Variants in RXYLT1 observed in about 807,000 individuals in gnomAD.
RXYLT1 encodes ribitol-5-phosphate xylosyltransferase 1.
In RXYLT1, 41 loss-of-function variants were observed where a neutral mutation model predicts 43.5. That is an observed-to-expected ratio of 0.94 (90% CI 0.73 to 1.22). The LOEUF (loss-of-function observed/expected upper bound fraction) is 1.22, where lower values mean the gene tolerates loss of function less well. Among genes scored for constraint, RXYLT1 ranks in the 50% most tolerant of loss-of-function variants. The pLI is 0.00. For synonymous variants in RXYLT1, 166 were observed against 194.4 expected, an observed-to-expected ratio of 0.85 and a Z score of 1.21; for missense variants, 514 against 532.0, an observed-to-expected ratio of 0.97 and a Z score of 0.33.
intron 3 of RXYLT1, among the ~76,000 whole-genome samples, chr12:63,798,722 T>A (rs1201146947): frequency 6.6e-6 from 1 of 152,194 alleles, no homozygotes; most frequent in Non-Finnish European, 1.5e-5. Flanking sequence ...ATGGTTGCCG[T>A]GATAAAATGC....
At chr12:63,790,599 T>G in intron 3 of RXYLT1, 1 of 152,394 alleles carries the variant, frequency 6.6e-6, no homozygotes, top group Non-Finnish European at 1.5e-5. Context: ...CTCGGCTCAC[T>G]GCAACCTCCA....
chr12:63,808,885 A>G lies in RXYLT1; in HGVS notation c.1125A>G (p.Leu375=). The change falls in exon 6 of 6, where the codon TTA becomes TTG. Residue 375 remains leucine (L), a synonymous_variant. Transcript: ENST00000261234. The part of the protein sequence containing the change: ...TSVHHGAPLQ[L]LKSMGAPFIF... Reference sequence around the variant, plus strand: ...TGCACCACGGTGCTCCTCTGCAGTTACTCAAGTCCATGGGTGCTCCCTTTA... The same window carrying G: ...TGCACCACGGTGCTCCTCTGCAGTTGCTCAAGTCCATGGGTGCTCCCTTTA... 1 of 1,614,152 alleles carries G rather than the reference A, an allele frequency of 6.2e-7. No homozygotes were observed. The highest frequency in any genetic ancestry group is 8.5e-7 in the Non-Finnish European group (1 of 1,180,042).
chr12:63,788,974 T>TA (rs1006119262), intron 3 of RXYLT1, among the ~76,000 whole-genome samples: 2 of 152,316 alleles, frequency 1.3e-5, no homozygotes. Context: ...TGTTTTGTCT[T>TA]AGGCTTTTAG....
chr12:63,780,573 G>A (rs1897657178), intron 1 of RXYLT1: 3 of 931,244 alleles, frequency 3.2e-6, no homozygotes, highest in Non-Finnish European at 3.9e-6. Context: ...TTTAACTTGT[G>A]TTAAGATCAG....
intron 3 of RXYLT1, among the ~76,000 whole-genome samples, chr12:63,790,960 C>CT (rs756012938): frequency 2.0e-5 from 3 of 152,150 alleles, no homozygotes; most frequent in Non-Finnish European, 2.9e-5. Context: ...TCTTGTTGCT[C>CT]TTTTATTTTA....
intron 3 of RXYLT1, among the ~76,000 whole-genome samples, chr12:63,786,566 AAC>A (rs1193263037): frequency 6.6e-6 from 1 of 152,016 alleles, no homozygotes; most frequent in Non-Finnish European, 1.5e-5. Flanking sequence ...AAAAAATGCT[AAC>A]AGTTATCTGA....
chr12:63,781,154 T>G lies in RXYLT1; in HGVS notation c.305T>G (p.Ile102Ser), dbSNP rs1897674429. Reference protein sequence around the residue: ...TKGKTDLSVQIWGKAAIGLYL... With the variant: ...TKGKTDLSVQSWGKAAIGLYL... ...GGAAAAACAGATCTCAGTGTACAAA[T>G]CTGGGGCAAAGCTGCCATTGGTAAG... The change falls in exon 2 of 6, where the codon ATC (isoleucine) becomes AGC (serine). Residue 102 changes from isoleucine to serine, a missense_variant. Physicochemically the swap from Ile to Ser is moderately radical, Grantham distance 142. Transcript: ENST00000261234. 2 of 1,582,182 alleles carry G rather than the reference T, an allele frequency of 1.3e-6. No individual in the cohort carries two copies. Among genetic ancestry groups the G allele is most frequent in the Non-Finnish European group, 1.7e-6 (2 of 1,166,960 alleles).
At chr12:63,789,254 G>A (rs938495025) in intron 3 of RXYLT1, among the ~76,000 whole-genome samples, 1 of 152,186 alleles carries the variant, frequency 6.6e-6, no homozygotes, top group Non-Finnish European at 1.5e-5. Flanking sequence ...GAATAGGGAG[G>A]CCCAAGGAGA....
chr12:63,797,772 C>G (rs1898067625), intron 3 of RXYLT1, among the ~76,000 whole-genome samples: 1 of 152,016 alleles, frequency 6.6e-6, no homozygotes, highest in Non-Finnish European at 1.5e-5. Flanking sequence ...TTGAAGGAGA[C>G]AGCTGGGTGC....
At position 63,780,143 on chromosome 12, in the gene RXYLT1, G is replaced by C; in HGVS notation, c.169+14G>C. 1 of 1,461,950 alleles carries C rather than the reference G, an allele frequency of 6.8e-7. No homozygotes were observed. The highest frequency in any genetic ancestry group is 8.9e-7 in the Non-Finnish European group (1 of 1,120,096). 90.6% of individuals were successfully genotyped at this position (1,461,950 alleles called of 1,614,324 possible). On this transcript the variant is annotated intron_variant, in intron 1 of 5. Coordinates refer to ENST00000261234, the MANE Select transcript of RXYLT1 (RefSeq NM_014254.3). ...GACGCGGCCGAGGTAGGACTGGGTC[G>C]GCGGCTTCCTTCCGGCTCTGCGCTC...
chr12:63,780,418 G>C lies in RXYLT1; in HGVS notation c.169+289G>C. On this transcript the variant is annotated intron_variant, in intron 1 of 5. Coordinates refer to ENST00000261234, the MANE Select transcript of RXYLT1 (RefSeq NM_014254.3). ...ATCCAAGACGTCGTCTCAAATGCCA[G>C]AGATTTGCGGGAATGCTCCTGGAAG... 3 of 1,233,784 alleles carry C rather than the reference G, an allele frequency of 2.4e-6. No individual in the cohort carries two copies. The South Asian group carries it at 8.4e-5, about 35-fold the overall frequency. The allele number at this position is 1,233,784 out of a possible 1,614,324, so 76.4% of individuals were successfully genotyped here.
At chr12:63,802,047 C>G in intron 3 of RXYLT1, 44 bp from the exon 4 acceptor site, 1 of 1,507,434 alleles carries the variant, frequency 6.6e-7, no homozygotes, top group Non-Finnish European at 8.9e-7. Flanking sequence ...TACCTTTGTT[C>G]AGGCTTTGTT....
intron 3 of RXYLT1, among the ~76,000 whole-genome samples, chr12:63,790,017 G>T (rs1897888032): frequency 6.6e-6 from 1 of 152,108 alleles, no homozygotes; most frequent in Non-Finnish European, 1.5e-5. Context: ...TTTAATTGTA[G>T]CCTCGAGACA....
At chr12:63,793,760 A>T (rs1945619937) in intron 3 of RXYLT1, among the ~76,000 whole-genome samples, 1 of 152,220 alleles carries the variant, frequency 6.6e-6, no homozygotes, top group African/African-American at 2.4e-5. Context: ...GATAAATTTG[A>T]TTCACATAGG....
intron 3 of RXYLT1, among the ~76,000 whole-genome samples, chr12:63,785,801 A>T (rs1458780360): frequency 6.6e-6 from 1 of 152,126 alleles, no homozygotes; most frequent in Non-Finnish European, 1.5e-5. Flanking sequence ...GAAAATGTGA[A>T]CTAAAGATTC....
chr12:63,799,382 G>C (rs1192959186), intron 3 of RXYLT1, among the ~76,000 whole-genome samples: 7 of 137,850 alleles, frequency 5.1e-5, no homozygotes, highest in African/African-American at 1.6e-4. Flanking sequence ...TCAGCTCACT[G>C]CAGCCTTGAC....
At position 63,808,868 on chromosome 12, in the gene RXYLT1, G is replaced by T. The variant is rs768418644; in HGVS notation, c.1108G>T (p.Gly370Cys). ...GNCGNTSVHH[G>C]APLQLLKSMG... ...CTGTGGGAATACATCTGTGCACCAC[G>T]GTGCTCCTCTGCAGTTACTCAAGTC... The change falls in exon 6 of 6, where the codon GGT becomes TGT. Residue 370 changes from glycine to cysteine, a missense_variant. Gly to Cys is a radical substitution (Grantham distance 159, BLOSUM62 -3). Coordinates refer to ENST00000261234, the MANE Select transcript of RXYLT1 (RefSeq NM_014254.3). 4 of 1,614,066 alleles carry T rather than the reference G, an allele frequency of 2.5e-6. No individual in the cohort carries two copies. Among genetic ancestry groups the T allele is most frequent in the Non-Finnish European group, 2.5e-6 (3 of 1,180,034 alleles).
chr12:63,808,530 A>G (rs1295795119), intron 5 of RXYLT1, 145 bp from the exon 6 acceptor site: 2 of 793,966 alleles, frequency 2.5e-6, no homozygotes, highest in Non-Finnish European at 3.8e-6. Flanking sequence ...TGTTTGGGCC[A>G]GGATTTTGGA....
Position 63,780,133 on chromosome 12 carries a change from G to C in RXYLT1, c.169+4G>C, listed in dbSNP as rs1048254548. 8.1e-6 allele frequency: 12 copies of C among 1,479,942 alleles called. No homozygotes were observed. The highest frequency in any genetic ancestry group is 1.1e-5 in the Non-Finnish European group (12 of 1,127,152). 91.7% of individuals were successfully genotyped at this position (1,479,942 alleles called of 1,614,324 possible). On this transcript the variant is annotated splice_donor_region_variant and intron_variant, in intron 1 of 5. Coordinates refer to ENST00000261234, the MANE Select transcript of RXYLT1 (RefSeq NM_014254.3). ...GCGCGGGAGAGACGCGGCCGAGGTA[G>C]GACTGGGTCGGCGGCTTCCTTCCGG... is the stretch of plus-strand genomic sequence containing the variant.
Sources: allele counts gnomAD v4.1 joint callset (sites outside exome capture counted in the v4.1 genomes callset), GRCh38; gene constraint gnomAD v4.1.1; transcripts MANE v1.5; gene names NCBI Gene and HGNC (gene_info 2026-07-23, HGNC 2026-07-21).